EXT1: variants seen among roughly 807,000 people sequenced by gnomAD.
The protein encoded by EXT1 is exostosin-1.
EXT1 carries 20 observed loss-of-function variants against 82.5 expected under a neutral mutation model. The observed-to-expected ratio is 0.24, with a 90% CI of 0.17 to 0.35. The LOEUF (loss-of-function observed/expected upper bound fraction) is 0.35, where lower values mean the gene tolerates loss of function less well. EXT1 is among the 10% of genes least tolerant of loss of function. EXT1 has a pLI of 1.00. For synonymous variants in EXT1, 348 were observed against 350.8 expected, an observed-to-expected ratio of 0.99 and a Z score of 0.09; for missense variants, 757 against 936.5, an observed-to-expected ratio of 0.81 and a Z score of 2.50.
chr8:117,986,368 T>G (rs1347391237), intron 1 of EXT1, among the ~76,000 whole-genome samples: 3 of 152,062 alleles, frequency 2.0e-5, no homozygotes, highest in Non-Finnish European at 4.4e-5. Context: ...TTTTTGTACT[T>G]TTAGCAGAGA....
At chr8:118,099,344 A>G (rs576820846) in intron 1 of EXT1, among the ~76,000 whole-genome samples, 3 of 152,194 alleles carry the variant, frequency 2.0e-5, no homozygotes, top group Non-Finnish European at 4.4e-5. Context: ...CTTTCTTCCC[A>G]GTACTATCTG....
chr8:118,034,831 T>C (rs767858124), intron 1 of EXT1, among the ~76,000 whole-genome samples: 17 of 152,182 alleles, frequency 1.1e-4, no homozygotes, highest in African/African-American at 4.1e-4. Context: ...GGCCCAAGCA[T>C]GGCAGTCATG....
chr8:118,098,245 G>T (rs573836454), intron 1 of EXT1, among the ~76,000 whole-genome samples: 1 of 152,124 alleles, frequency 6.6e-6, no homozygotes, highest in Non-Finnish European at 1.5e-5. Flanking sequence ...CTAGGCCCCC[G>T]CTAGGAGTGT....
At chr8:117,998,494 T>TA (rs1345314318) in intron 1 of EXT1, among the ~76,000 whole-genome samples, 1 of 152,104 alleles carries the variant, frequency 6.6e-6, no homozygotes, top group East Asian at 1.9e-4. Flanking sequence ...AAATACTTTG[T>TA]AAAGACAAGG....
chr8:117,910,319 G>A (rs1231000860), intron 1 of EXT1, among the ~76,000 whole-genome samples: 4 of 152,136 alleles, frequency 2.6e-5, no homozygotes, highest in Non-Finnish European at 5.9e-5. Flanking sequence ...GAGCAAGAGT[G>A]TTTTCCACTA....
intron 1 of EXT1, among the ~76,000 whole-genome samples, chr8:117,888,344 T>C (rs1813184491): frequency 6.6e-6 from 1 of 152,120 alleles, no homozygotes; most frequent in Non-Finnish European, 1.5e-5. Context: ...ACAATTACAT[T>C]CATATAGATT....
At chr8:118,026,610 G>A (rs1241835058) in intron 1 of EXT1, among the ~76,000 whole-genome samples, 1 of 152,128 alleles carries the variant, frequency 6.6e-6, no homozygotes, top group Non-Finnish European at 1.5e-5. Flanking sequence ...CTCTTGAAGA[G>A]TAGTACTAAG....
At chr8:117,857,611 G>T (rs1812589052) in intron 1 of EXT1, among the ~76,000 whole-genome samples, 1 of 151,930 alleles carries the variant, frequency 6.6e-6, no homozygotes, top group South Asian at 2.1e-4. Context: ...GAGGCAGGAG[G>T]GTCACTTGAG....
At chr8:117,984,159 C>A (rs1273132910) in intron 1 of EXT1, among the ~76,000 whole-genome samples, 4 of 152,212 alleles carry the variant, frequency 2.6e-5, no homozygotes, top group Non-Finnish European at 4.4e-5. Context: ...TGGCTCACAC[C>A]TGTCATCCCA....
chr8:117,979,694 C>T (rs1200298918), intron 1 of EXT1, among the ~76,000 whole-genome samples: 3 of 152,160 alleles, frequency 2.0e-5, no homozygotes, highest in Non-Finnish European at 4.4e-5. Context: ...ATCTCCACAA[C>T]AAAATGTTCT....
intron 1 of EXT1, among the ~76,000 whole-genome samples, chr8:117,986,187 CTTTTTTTT>C (rs1160370973): frequency 3.2e-5 from 2 of 63,458 alleles, no homozygotes; most frequent in African/African-American, 7.6e-5. Flanking sequence ...CTATTCTTTT[CTTTTTTTT>C]TTTTTTTTTT....
intron 1 of EXT1, among the ~76,000 whole-genome samples, chr8:117,856,730 T>A (rs1392315699): frequency 6.6e-6 from 1 of 152,134 alleles, no homozygotes; most frequent in Non-Finnish European, 1.5e-5. Flanking sequence ...TGCAGCAAGT[T>A]ATCCATAAGA....
chr8:117,889,970 C>G (rs1813214462), intron 1 of EXT1, among the ~76,000 whole-genome samples: 1 of 152,156 alleles, frequency 6.6e-6, no homozygotes, highest in Admixed American at 6.5e-5. Context: ...ATTTCCCTGA[C>G]AAAACCACTT....
chr8:117,852,559 A>G (rs1444585468), intron 1 of EXT1, among the ~76,000 whole-genome samples: 1 of 152,026 alleles, frequency 6.6e-6, no homozygotes, highest in African/African-American at 2.4e-5. Context: ...ACTTTATATG[A>G]CTCTTAGTTT....
chr8:117,969,779 C>G (rs886319141), intron 1 of EXT1, among the ~76,000 whole-genome samples: 1 of 152,182 alleles, frequency 6.6e-6, no homozygotes, highest in Non-Finnish European at 1.5e-5. Flanking sequence ...TTGAATATTT[C>G]CACCTCCTAC....
chr8:118,019,299 T>C (rs770326129), intron 1 of EXT1, among the ~76,000 whole-genome samples: 15 of 112,844 alleles, frequency 1.3e-4, no homozygotes, highest in East Asian at 3.3e-4. Context: ...ATGGGAGTAA[T>C]TGAGATTCAA....
chr8:117,964,762 C>G (rs1005904461), intron 1 of EXT1, among the ~76,000 whole-genome samples: 2 of 152,050 alleles, frequency 1.3e-5, no homozygotes, highest in Admixed American at 6.6e-5. Flanking sequence ...CTCAGCCTCC[C>G]GAGTAGCTAG....
intron 3 of EXT1, among the ~76,000 whole-genome samples, chr8:117,834,106 C>T (rs1274624184): frequency 2.6e-5 from 4 of 152,144 alleles, no homozygotes; most frequent in African/African-American, 9.7e-5. Context: ...CACATTCCTC[C>T]TTTGTTTCTG....
rs139649220 is a variant in EXT1, at chr8:117,946,574, G to T, written c.963-109373C>A. Among the ~76,000 whole-genome samples the T allele has an allele frequency of 3.3e-3, 506 of 152,294 alleles. 1 individual carries two copies. The highest frequency in any genetic ancestry group is 0.011 in the African/African-American group (470 of 41,572). ...GCTGAGCAACCTACAGGAGCGGGCA[G>T]GCACGTAGCTTGGGCGAGCATGGAA... On this transcript the variant is annotated intron_variant, in intron 1 of 10. Coordinates refer to ENST00000378204, the MANE Select transcript of EXT1 (RefSeq NM_000127.3).
Sources: gnomAD v4.1 joint callset for allele counts (sites outside exome capture counted in the v4.1 genomes callset) on GRCh38, gnomAD v4.1.1 for gene constraint, MANE v1.5 for transcripts, NCBI Gene and HGNC (gene_info 2026-07-23, HGNC 2026-07-21) for gene names.